WDR7: variants seen among roughly 807,000 people sequenced by gnomAD.
The protein encoded by WDR7 is WD repeat domain 7.
A neutral mutation model predicts 169.4 loss-of-function variants in WDR7; 46 were observed. That is an observed-to-expected ratio of 0.27 (90% CI 0.21 to 0.35). The LOEUF (loss-of-function observed/expected upper bound fraction) is 0.35, where lower values mean the gene tolerates loss of function less well. WDR7 is among the 10% of genes least tolerant of loss of function. The pLI is 1.00. For missense variants in WDR7, 1,534 were observed against 1,859.3 expected (o/e 0.83, Z 3.22); for synonymous variants, 612 against 666.8 (o/e 0.92, Z 1.27).
chr18:56,755,697 C>T (rs982910554), intron 14 of WDR7, among the ~76,000 whole-genome samples: 1 of 152,110 alleles, frequency 6.6e-6, no homozygotes, highest in African/African-American at 2.4e-5. Flanking sequence ...AATTAGAGAG[C>T]CATCTACATA....
intron 26 of WDR7, among the ~76,000 whole-genome samples, chr18:56,986,718 T>A (rs2047725945): frequency 6.6e-6 from 1 of 151,370 alleles, no homozygotes; most frequent in Non-Finnish European, 1.5e-5. Flanking sequence ...CAGAACCCAA[T>A]GACGGGGGAA....
At chr18:56,859,392 TC>T (rs1599107273) in intron 20 of WDR7, among the ~76,000 whole-genome samples, 1 of 152,168 alleles carries the variant, frequency 6.6e-6, no homozygotes, top group East Asian at 1.9e-4. Flanking sequence ...GCCCCACCAC[TC>T]CCTAGCCACA....
Position 56,727,913 on chromosome 18 carries a change from A to G in WDR7, c.1775-3470A>G, listed in dbSNP as rs1276965885. On this transcript the variant is annotated intron_variant, in intron 13 of 27. Transcript: ENST00000254442. ...TTGTTCCACTACAGTCTTTTACTGC[A>G]AAAAGATCCAGATTAGAATTATGCA... 3.3e-5 allele frequency among the ~76,000 whole-genome samples: 5 copies of G among 152,342 alleles called. 1 individual carries two copies. The highest frequency in any genetic ancestry group is 3.3e-4 in the Admixed American group (5 of 15,300).
intron 16 of WDR7, among the ~76,000 whole-genome samples, chr18:56,773,935 C>T (rs80182638): frequency 0.013 from 2,003 of 150,462 alleles, 43 homozygotes; most frequent in African/African-American, 0.046. Context: ...CTCCCCATAA[C>T]ATCGTGATTA....
chr18:56,944,861 C>G (rs970514483), intron 25 of WDR7, among the ~76,000 whole-genome samples: 1 of 152,022 alleles, frequency 6.6e-6, no homozygotes, highest in Non-Finnish European at 1.5e-5. Context: ...AATTCACAAG[C>G]AAATTAAAGA....
intron 20 of WDR7, among the ~76,000 whole-genome samples, chr18:56,830,045 G>A (rs961449563): frequency 1.3e-5 from 2 of 152,180 alleles, no homozygotes; most frequent in African/African-American, 4.8e-5. Context: ...AAATTGGTTA[G>A]TGTACTGTCC....
chr18:56,852,217 T>C (rs1309114871), intron 20 of WDR7, among the ~76,000 whole-genome samples: 1 of 152,200 alleles, frequency 6.6e-6, no homozygotes, highest in Non-Finnish European at 1.5e-5. Context: ...GATATCTCAG[T>C]AGCTGGACCT....
At chr18:56,728,030 G>A (rs961501880) in intron 13 of WDR7, among the ~76,000 whole-genome samples, 5 of 152,086 alleles carry the variant, frequency 3.3e-5, no homozygotes, top group Non-Finnish European at 5.9e-5. Context: ...CTGGCCAGTC[G>A]TTTTATAAAA....
chr18:56,846,001 T>C (rs1040347952), intron 20 of WDR7, among the ~76,000 whole-genome samples: 9 of 152,182 alleles, frequency 5.9e-5, no homozygotes, highest in Non-Finnish European at 1.2e-4. Flanking sequence ...TATAAAAATA[T>C]AAAATGTTCT....
chr18:57,004,116 A>G (rs955047007), intron 26 of WDR7, among the ~76,000 whole-genome samples: 14 of 152,054 alleles, frequency 9.2e-5, no homozygotes, highest in Non-Finnish European at 1.5e-4. Context: ...CAGTAATCCC[A>G]TAATTTAACT....
intron 20 of WDR7, among the ~76,000 whole-genome samples, chr18:56,831,598 G>A (rs2045309871): frequency 6.6e-6 from 1 of 152,118 alleles, no homozygotes; most frequent in Admixed American, 6.5e-5. Context: ...GACCAACCCA[G>A]AAGGTGGGTG....
chr18:56,913,567 A>C (rs1480127405), intron 21 of WDR7, among the ~76,000 whole-genome samples: 2 of 150,330 alleles, frequency 1.3e-5, no homozygotes, highest in Non-Finnish European at 2.9e-5. Flanking sequence ...TGGGAGGATC[A>C]CTCAAGCCCA....
At chr18:56,901,109 C>G (rs1310393704) in intron 21 of WDR7, among the ~76,000 whole-genome samples, 2 of 152,072 alleles carry the variant, frequency 1.3e-5, no homozygotes, top group African/African-American at 4.8e-5. Flanking sequence ...CTTTATAATG[C>G]TAATCATGGG....
chr18:56,786,803 T>G (rs143823263), intron 19 of WDR7, among the ~76,000 whole-genome samples: 74 of 152,046 alleles, frequency 4.9e-4, no homozygotes, highest in Non-Finnish European at 7.6e-4. Flanking sequence ...ATAATAATTC[T>G]TGTCTGAGCC....
At chr18:57,009,400 C>T (rs901270280) in intron 26 of WDR7, among the ~76,000 whole-genome samples, 9 of 152,016 alleles carry the variant, frequency 5.9e-5, no homozygotes, top group African/African-American at 2.2e-4. Flanking sequence ...TTTTTTATTT[C>T]AATAGGTTTT....
chr18:57,019,272 A>G (rs146596686), intron 26 of WDR7, among the ~76,000 whole-genome samples: 12 of 152,338 alleles, frequency 7.9e-5, no homozygotes, highest in Admixed American at 2.6e-4. Context: ...TATGCCATGC[A>G]TTGTGCAGAA....
chr18:56,721,827 T>C (rs2026329256), intron 13 of WDR7: 2 of 152,240 alleles, frequency 1.3e-5, no homozygotes, highest in Non-Finnish European at 2.9e-5. Context: ...CTTCTTTTTA[T>C]CATTCTTGCT....
intron 20 of WDR7, among the ~76,000 whole-genome samples, chr18:56,817,497 C>T (rs1409313839): frequency 6.6e-6 from 1 of 152,006 alleles, no homozygotes; most frequent in Non-Finnish European, 1.5e-5. Context: ...TTTAAAATAC[C>T]TATAGCCTTG....
intron 26 of WDR7, 24 bp downstream of exon 26, chr18:56,962,553 T>C: frequency 6.3e-7 from 1 of 1,599,784 alleles, no homozygotes; most frequent in Non-Finnish European, 8.6e-7. Flanking sequence ...TGTGACTTCC[T>C]CTCCATAAAG....
Sources: allele counts gnomAD v4.1 joint callset (sites outside exome capture counted in the v4.1 genomes callset), GRCh38; gene constraint gnomAD v4.1.1; transcripts MANE v1.5; gene names NCBI Gene and HGNC (gene_info 2026-07-23, HGNC 2026-07-21).